The following XKR4 variants were observed in gnomAD, a reference collection of about 807,000 sequenced individuals.
The protein encoded by XKR4 is XK related 4.
XKR4 carries 12 observed loss-of-function variants against 53.9 expected under a neutral mutation model. That is an observed-to-expected ratio of 0.22 (90% CI 0.14 to 0.36). XKR4 has a LOEUF of 0.36. XKR4 is among the 10% of genes least tolerant of loss of function. The pLI is 1.00. For synonymous variants in XKR4, 354 were observed against 362.4 expected (o/e 0.98, Z 0.26); for missense variants, 799 against 859.5 (o/e 0.93, Z 0.88).
intron 1 of XKR4, among the ~76,000 whole-genome samples, chr8:55,346,858 G>C (rs971789934): frequency 6.6e-6 from 1 of 152,080 alleles, no homozygotes; most frequent in African/African-American, 2.4e-5. Context: ...AATAACAACT[G>C]ATAACAGCCA....
Position 55,176,477 on chromosome 8 carries a change from A to G in XKR4, c.806+73183A>G, listed in dbSNP as rs1260992670. Among the ~76,000 whole-genome samples, 3 of 152,106 alleles carry G rather than the reference A, an allele frequency of 2.0e-5. No individual in the cohort carries two copies. In the East Asian group the frequency reaches 5.8e-4, roughly 29 times the overall value. ...TGTGTGTGCGTGTGTGTGTGTGTGC[A>G]TATGTAGGAAAACTTTCCAGTTAAA... On this transcript the variant is annotated intron_variant, in intron 1 of 2. Transcript: ENST00000327381.
At chr8:55,175,254 T>G (rs1413409216) in intron 1 of XKR4, among the ~76,000 whole-genome samples, 1 of 152,242 alleles carries the variant, frequency 6.6e-6, no homozygotes, top group East Asian at 1.9e-4. Context: ...TCAAAGATAT[T>G]TTAATGAGAA....
At chr8:55,224,098 A>G (rs570422416) in intron 1 of XKR4, among the ~76,000 whole-genome samples, 1 of 152,272 alleles carries the variant, frequency 6.6e-6, no homozygotes, top group South Asian at 2.1e-4. Flanking sequence ...TGCTTTTTCT[A>G]CATTTTCTTT....
At chr8:55,368,259 A>G (rs765406157) in intron 2 of XKR4, among the ~76,000 whole-genome samples, 7 of 152,104 alleles carry the variant, frequency 4.6e-5, no homozygotes, top group African/African-American at 9.7e-5. Flanking sequence ...CTGGCCCACA[A>G]TGATCTTTCT....
chr8:55,427,579 C>T (rs1177666802), intron 2 of XKR4, among the ~76,000 whole-genome samples: 1 of 152,142 alleles, frequency 6.6e-6, no homozygotes, highest in Non-Finnish European at 1.5e-5. Context: ...CAAATTCTCA[C>T]CATTTCTCTA....
chr8:55,447,420 C>T (rs1447045520), intron 2 of XKR4, among the ~76,000 whole-genome samples: 2 of 152,092 alleles, frequency 1.3e-5, no homozygotes, highest in Non-Finnish European at 2.9e-5. Flanking sequence ...GGGAAGATAA[C>T]ACACACAGAC....
intron 2 of XKR4, among the ~76,000 whole-genome samples, chr8:55,438,163 A>G (rs1052474123): frequency 1.3e-5 from 2 of 152,138 alleles, no homozygotes. Flanking sequence ...AAAAAAGTTA[A>G]CTAAGTCCCA....
At chr8:55,267,694 A>T (rs1300067710) in intron 1 of XKR4, among the ~76,000 whole-genome samples, 2 of 152,062 alleles carry the variant, frequency 1.3e-5, no homozygotes, top group African/African-American at 4.8e-5. Flanking sequence ...TTTGCAATAG[A>T]GTTGCATTAT....
chr8:55,451,749 C>T, intron 2 of XKR4: 2 of 1,172,298 alleles, frequency 1.7e-6, no homozygotes, highest in Non-Finnish European at 2.5e-6. Context: ...CAGACTTGGC[C>T]CGGCTCAGGC....
intron 1 of XKR4, among the ~76,000 whole-genome samples, chr8:55,352,835 G>T (rs1475551211): frequency 6.6e-6 from 1 of 152,102 alleles, no homozygotes; most frequent in African/African-American, 2.4e-5. Context: ...GAGAGGAAAA[G>T]AAATATATTA....
At chr8:55,200,643 T>C (rs1817567437) in intron 1 of XKR4, among the ~76,000 whole-genome samples, 1 of 152,192 alleles carries the variant, frequency 6.6e-6, no homozygotes, top group South Asian at 2.1e-4. Context: ...CTAATTCAGA[T>C]TTGCAATAAT....
chr8:55,369,537 AAG>A (rs1011249710), intron 2 of XKR4, among the ~76,000 whole-genome samples: 4 of 130,842 alleles, frequency 3.1e-5, no homozygotes, highest in Admixed American at 2.3e-4. Flanking sequence ...AGGAAGGAGA[AAG>A]AGAGAGAGAA....
chr8:55,109,560 C>G (rs1263712642), intron 1 of XKR4, among the ~76,000 whole-genome samples: 1 of 151,966 alleles, frequency 6.6e-6, no homozygotes, highest in Non-Finnish European at 1.5e-5. Flanking sequence ...TGTGCATTTA[C>G]CTGGGTTTCT....
chr8:55,118,297 G>A (rs1258993848), intron 1 of XKR4, among the ~76,000 whole-genome samples: 1 of 152,188 alleles, frequency 6.6e-6, no homozygotes, highest in Non-Finnish European at 1.5e-5. Context: ...CATGTGAATA[G>A]TACATCATTA....
Position 55,369,933 on chromosome 8 carries a change from G to A in XKR4, c.1006+12056G>A, listed in dbSNP as rs985188844. 1.1e-3 allele frequency among the ~76,000 whole-genome samples: 164 copies of A among 152,146 alleles called. 3 individuals carry two copies. The highest frequency in any genetic ancestry group is 3.4e-4 in the Non-Finnish European group (23 of 67,998). ...ATCTCAGCTAGCTTCAGTGGCACAC[G>A]TCTGCAGTCCCAGCTACTCAGGAGG... On this transcript the variant is annotated intron_variant, in intron 2 of 2. Transcript: ENST00000327381.
chr8:55,156,703 A>G (rs1816912828), intron 1 of XKR4, among the ~76,000 whole-genome samples: 1 of 152,220 alleles, frequency 6.6e-6, no homozygotes, highest in Non-Finnish European at 1.5e-5. Context: ...ATTTTAAAAA[A>G]TAAGTTTAAA....
intron 1 of XKR4, among the ~76,000 whole-genome samples, chr8:55,272,487 C>A (rs1015729825): frequency 1.3e-5 from 2 of 152,206 alleles, no homozygotes; most frequent in Admixed American, 1.3e-4. Context: ...CCCCAATTTT[C>A]AGTCTAAGCC....
intron 1 of XKR4, among the ~76,000 whole-genome samples, chr8:55,237,978 G>A (rs977068390): frequency 1.3e-5 from 2 of 151,492 alleles, no homozygotes; most frequent in African/African-American, 4.9e-5. Flanking sequence ...GAGAAAGAAG[G>A]AAGGAAGGAA....
intron 1 of XKR4, among the ~76,000 whole-genome samples, chr8:55,122,996 A>AT (rs1816413150): frequency 6.6e-6 from 1 of 152,058 alleles, no homozygotes; most frequent in Non-Finnish European, 1.5e-5. Context: ...CTTGTACCTG[A>AT]CATTTATCTG....
Sources: allele counts gnomAD v4.1 joint callset (sites outside exome capture counted in the v4.1 genomes callset), GRCh38; gene constraint gnomAD v4.1.1; transcripts MANE v1.5; gene names NCBI Gene and HGNC (gene_info 2026-07-23, HGNC 2026-07-21).